Variants in THSD7B observed in about 807,000 individuals in gnomAD.
THSD7B encodes thrombospondin type 1 domain containing 7B, also known as thrombospondin type-1 domain-containing protein 7B.
Under a neutral mutation model 213.6 loss-of-function variants are expected in THSD7B, and 138 were observed. The ratio of observed to expected loss-of-function variants is 0.65; its 90% CI spans 0.56 to 0.74. THSD7B has a LOEUF of 0.74. Ranked by LOEUF, THSD7B falls within the 30% of genes least tolerant of loss-of-function variation. THSD7B has a pLI of 0.00. For missense variants in THSD7B, 1,931 were observed against 1,991.5 expected, an observed-to-expected ratio of 0.97 and a Z score of 0.58; for synonymous variants, 742 against 687.0, an observed-to-expected ratio of 1.08 and a Z score of -1.25.
At chr2:137,418,706 G>C (rs1459098046) in intron 14 of THSD7B, among the ~76,000 whole-genome samples, 1 of 151,686 alleles carries the variant, frequency 6.6e-6, no homozygotes, top group Non-Finnish European at 1.5e-5. Flanking sequence ...TTTTTTCTAG[G>C]CTCTGGTAAT....
chr2:137,650,029 G>A (rs1287916411), intron 21 of THSD7B, among the ~76,000 whole-genome samples: 1 of 152,142 alleles, frequency 6.6e-6, no homozygotes, highest in African/African-American at 2.4e-5. Flanking sequence ...TTGAGTCGGA[G>A]AGGTCGAGGC....
At chr2:137,593,510 A>G (rs1282403589) in intron 17 of THSD7B, among the ~76,000 whole-genome samples, 5 of 151,686 alleles carry the variant, frequency 3.3e-5, no homozygotes, top group Non-Finnish European at 7.4e-5. Context: ...TTTAATTTGT[A>G]TTTCCCTAAT....
chr2:136,827,218 C>G (rs529890029), intron 1 of THSD7B, among the ~76,000 whole-genome samples: 26 of 152,194 alleles, frequency 1.7e-4, no homozygotes, highest in Non-Finnish European at 3.2e-4. Flanking sequence ...GCGGATCTTT[C>G]ATTGACTTGG....
intron 12 of THSD7B, among the ~76,000 whole-genome samples, chr2:137,358,689 G>A (rs1685186956): frequency 6.6e-6 from 1 of 152,188 alleles, no homozygotes; most frequent in Non-Finnish European, 1.5e-5. Context: ...GCAGATTGAT[G>A]AGGAGCCACT....
intron 15 of THSD7B, among the ~76,000 whole-genome samples, chr2:137,501,904 A>C (rs1240597676): frequency 1.3e-5 from 2 of 152,198 alleles, no homozygotes. Context: ...CCCTGAATGC[A>C]ACTGGAAGTG....
intron 14 of THSD7B, among the ~76,000 whole-genome samples, chr2:137,447,586 A>T (rs1687567202): frequency 6.6e-6 from 1 of 152,148 alleles, no homozygotes; most frequent in Non-Finnish European, 1.5e-5. Flanking sequence ...CTTAGAAATG[A>T]CTGTAAAATT....
At position 137,456,947 on chromosome 2, in the gene THSD7B, C is replaced by T. The variant is rs146654827; in HGVS notation, c.3138+5924C>T. Among the ~76,000 whole-genome samples the T allele has an allele frequency of 1.3e-3, 192 of 152,228 alleles. 2 individuals carry two copies. Among genetic ancestry groups the T allele is most frequent in the African/African-American group, 3.9e-3 (160 of 41,546 alleles). On this transcript the variant is annotated intron_variant, in intron 15 of 27. Coordinates refer to ENST00000409968, the MANE Select transcript of THSD7B (RefSeq NM_001316349.2). ...GTTCTTCCATTTGTATCCTTTATGC[C>T]GGTCAGCTAGCCCCGACTCTGTGCT... is the stretch of plus-strand genomic sequence containing the variant.
At chr2:137,052,323 A>G (rs1180338193) in intron 2 of THSD7B, among the ~76,000 whole-genome samples, 2 of 152,198 alleles carry the variant, frequency 1.3e-5, no homozygotes, top group Non-Finnish European at 2.9e-5. Context: ...ACATCATTGA[A>G]GTACTTTCTG....
At chr2:137,427,588 C>G (rs940487194) in intron 14 of THSD7B, among the ~76,000 whole-genome samples, 69 of 152,100 alleles carry the variant, frequency 4.5e-4, no homozygotes, top group African/African-American at 1.6e-3. Flanking sequence ...AAGCCAGACA[C>G]AGAAAGACAA....
intron 20 of THSD7B, among the ~76,000 whole-genome samples, chr2:137,637,396 A>G (rs1424304592): frequency 6.6e-6 from 1 of 152,244 alleles, no homozygotes; most frequent in South Asian, 2.1e-4. Context: ...CAACAGAAGC[A>G]TCAGGTCCAG....
Position 136,847,023 on chromosome 2 carries a change from A to ATT in THSD7B, c.-35-35114_-35-35113dup, listed in dbSNP as rs202199699. On this transcript the variant is annotated intron_variant, in intron 1 of 27. Transcript: ENST00000409968. The stretch of plus-strand genomic sequence containing the variant: ...ATCTTTCATTGAATATAATTTTTCT[A>ATT]TTTTTTTTCCAATCTAGAAGACTTT... Among the ~76,000 whole-genome samples the ATT allele has an allele frequency of 6.6e-5, 10 of 151,978 alleles. 1 individual carries two copies. Among genetic ancestry groups the ATT allele is most frequent in the African/African-American group, 2.4e-4 (10 of 41,442 alleles).
intron 6 of THSD7B, among the ~76,000 whole-genome samples, chr2:137,166,341 A>G (rs2104990481): frequency 6.6e-6 from 1 of 152,268 alleles, no homozygotes; most frequent in Non-Finnish European, 1.5e-5. Context: ...AAAAATAAAT[A>G]CTCTTAGACA....
At chr2:137,640,354 G>A (rs1682917302) in intron 20 of THSD7B, among the ~76,000 whole-genome samples, 1 of 152,134 alleles carries the variant, frequency 6.6e-6, no homozygotes, top group Admixed American at 6.5e-5. Context: ...GGAACTGTAA[G>A]TCTAATTAAA....
At chr2:136,903,927 T>TAG (rs1684105798) in intron 2 of THSD7B, among the ~76,000 whole-genome samples, 1 of 18,624 alleles carries the variant, frequency 5.4e-5, no homozygotes, top group Non-Finnish European at 1.2e-4. Context: ...TCCTGTGAGG[T>TAG]GTGTGTGTGT....
At chr2:137,009,325 T>C (rs894260610) in intron 2 of THSD7B, among the ~76,000 whole-genome samples, 12 of 152,194 alleles carry the variant, frequency 7.9e-5, no homozygotes, top group African/African-American at 2.9e-4. Flanking sequence ...AGCAGTATTT[T>C]TCAATCTTGG....
intron 12 of THSD7B, among the ~76,000 whole-genome samples, chr2:137,330,719 G>C (rs989878840): frequency 2.0e-5 from 3 of 152,112 alleles, no homozygotes; most frequent in African/African-American, 7.2e-5. Flanking sequence ...AAAGCAGTGT[G>C]GACCCAAAGA....
intron 1 of THSD7B, among the ~76,000 whole-genome samples, chr2:136,869,189 C>T (rs542108472): frequency 1.3e-5 from 2 of 152,166 alleles, no homozygotes; most frequent in African/African-American, 2.4e-5. Flanking sequence ...GTGGGATATT[C>T]GTAATGTATT....
intron 10 of THSD7B, among the ~76,000 whole-genome samples, chr2:137,245,058 C>T (rs1386547950): frequency 6.6e-6 from 1 of 152,068 alleles, no homozygotes; most frequent in African/African-American, 2.4e-5. Context: ...AATGGTGACC[C>T]TCCTCCTCCT....
intron 20 of THSD7B, among the ~76,000 whole-genome samples, chr2:137,622,705 A>G (rs1682543816): frequency 1.3e-5 from 2 of 152,220 alleles, no homozygotes; most frequent in African/African-American, 4.8e-5. Flanking sequence ...AAACACCTCT[A>G]TGCAAATAAA....
Sources: gnomAD v4.1 joint callset for allele counts (sites outside exome capture counted in the v4.1 genomes callset) on GRCh38, gnomAD v4.1.1 for gene constraint, MANE v1.5 for transcripts, NCBI Gene and HGNC (gene_info 2026-07-23, HGNC 2026-07-21) for gene names.